The following OR4D1 variants were observed in gnomAD, a reference collection of about 807,000 sequenced individuals.
OR4D1 encodes olfactory receptor 4D1.
OR4D1 carries 10 observed loss-of-function variants against 14.2 expected under a neutral mutation model. That is an observed-to-expected ratio of 0.71 (90% CI 0.44 to 1.20). OR4D1 has a LOEUF of 1.20. Among genes scored for constraint, OR4D1 ranks in the 50% most tolerant of loss-of-function variants. The pLI is 0.00. For missense variants in OR4D1, 345 were observed against 376.6 expected (o/e 0.92, Z 0.70); for synonymous variants, 141 against 147.4 (o/e 0.96, Z 0.32).
Position 58,156,274 on chromosome 17 carries a change from G to A in OR4D1, c.*188G>A. The A allele has an allele frequency of 5.5e-6, 3 of 546,694 alleles. No homozygotes were observed. Among genetic ancestry groups the A allele is most frequent in the Non-Finnish European group, 9.6e-6 (3 of 314,112 alleles). The allele number at this position is 546,694 out of a possible 1,614,324, so 33.9% of individuals were successfully genotyped here. On this transcript the variant is annotated 3_prime_UTR_variant, in exon 4 of 4. Coordinates refer to ENST00000268912, the MANE Select transcript of OR4D1 (RefSeq NM_001386095.1). ...TTTTTCTTTTTTTTTTTTTTTAGAT[G>A]GAGCCTTGCTCTGTCACCCAGGCTG...
At chr17:58,155,079 A>T in intron 3 of OR4D1, 56 bp from the exon 4 acceptor site, 1 of 1,200,786 alleles carries the variant, frequency 8.3e-7, no homozygotes, top group Non-Finnish European at 1.2e-6. Context: ...TCCAAGGAAA[A>T]TGATTGAATT....
chr17:58,149,180 A>G (rs1045159017), intron 1 of OR4D1, among the ~76,000 whole-genome samples: 2 of 152,082 alleles, frequency 1.3e-5, no homozygotes, highest in Non-Finnish European at 2.9e-5. Context: ...CTTTCCCCAT[A>G]CAGATCCATG....
At position 58,157,648 on chromosome 17, in the gene OR4D1, A is replaced by G. The variant is rs1017008831; in HGVS notation, c.*1562A>G. ...TGAAAATGGCTGCAAAACCTATGCT[A>G]CCCTCCAGCTTCAGTCTCCCTTTCC... On this transcript the variant is annotated 3_prime_UTR_variant, in exon 4 of 4. Coordinates refer to ENST00000268912, the MANE Select transcript of OR4D1 (RefSeq NM_001386095.1). The G allele has an allele frequency of 5.6e-6, 9 of 1,613,692 alleles. No homozygotes were observed. The highest frequency in any genetic ancestry group is 2.2e-5 in the East Asian group (1 of 44,870).
In OR4D1 at chr17:58,156,853, T is replaced by C; in HGVS notation, c.*767T>C. On this transcript the variant is annotated 3_prime_UTR_variant, in exon 4 of 4. Transcript: ENST00000268912. ...ATGGTCAACTGCTTCATCTTAACTCTGGGACAGTTACATTCTTTTCTGCTC... is the reference window on the plus strand; with the variant it reads ...ATGGTCAACTGCTTCATCTTAACTCCGGGACAGTTACATTCTTTTCTGCTC... 1 of 431,926 alleles carries C rather than the reference T, an allele frequency of 2.3e-6. No homozygotes were observed. The allele number at this position is 431,926 out of a possible 1,614,324, so 26.8% of individuals were successfully genotyped here.
Position 58,159,401 on chromosome 17 carries a change from C to T in OR4D1, c.*3315C>T, listed in dbSNP as rs1393318616. The T allele has an allele frequency of 6.6e-6, 1 of 152,238 alleles. No individual in the cohort carries two copies. Among genetic ancestry groups the T allele is most frequent in the Non-Finnish European group, 1.5e-5 (1 of 68,050 alleles). The allele number at this position is 152,238 out of a possible 1,614,324, so 9.4% of individuals were successfully genotyped here. A position where few individuals can be genotyped will look rare whatever the true frequency, so the allele number is the denominator to read the frequency against. Reference sequence around the variant, plus strand: ...AAGAGACTTCATGCAGCATTAGGCTCGCTAGCCCTTTGGTCTTCTGCCATA... The same window carrying T: ...AAGAGACTTCATGCAGCATTAGGCTTGCTAGCCCTTTGGTCTTCTGCCATA... On this transcript the variant is annotated 3_prime_UTR_variant, in exon 4 of 4. Transcript: ENST00000268912.
rs1014544048 is a variant in OR4D1 at position 58,157,527 on chromosome 17, C to G, written c.*1441C>G. ...TCCATTGCAGAGGGTGCGGACTTCT[C>G]CAGCTCTCCGAACCTCACGGAGACT... On this transcript the variant is annotated 3_prime_UTR_variant, in exon 4 of 4. Coordinates refer to ENST00000268912, the MANE Select transcript of OR4D1 (RefSeq NM_001386095.1). 1.4e-6 allele frequency: 2 copies of G among 1,385,562 alleles called. No homozygotes were observed. Among genetic ancestry groups the G allele is most frequent in the African/African-American group, 2.8e-5 (2 of 70,736 alleles). The allele number at this position is 1,385,562 out of a possible 1,614,324, so 85.8% of individuals were successfully genotyped here. A position where few individuals can be genotyped will look rare whatever the true frequency, so the allele number is the denominator to read the frequency against.
chr17:58,155,014 G>A (rs560032695), intron 3 of OR4D1, 121 bp from the exon 4 acceptor site: 2 of 693,674 alleles, frequency 2.9e-6, no homozygotes, highest in South Asian at 1.9e-5. Context: ...GCTTTCCTAA[G>A]CTACATCTCG....
Position 58,157,420 on chromosome 17 carries a change from G to A in OR4D1, c.*1334G>A, listed in dbSNP as rs150737599. The A allele has an allele frequency of 4.1e-4, 482 of 1,161,508 alleles. 2 individuals are homozygous for A. In the East Asian group the frequency reaches 0.011, roughly 27 times the overall value. The allele number at this position is 1,161,508 out of a possible 1,614,324, so 72.0% of individuals were successfully genotyped here. A position where few individuals can be genotyped will look rare whatever the true frequency, so the allele number is the denominator to read the frequency against. On this transcript the variant is annotated 3_prime_UTR_variant, in exon 4 of 4. Transcript: ENST00000268912. ...CCACCTGCACCCTGAGAAAACACAA[G>A]ACCAATCCGAAGCCGCGCACAGCCT...
Position 58,156,747 on chromosome 17 carries a change from G to C in OR4D1, c.*661G>C, listed in dbSNP as rs1967780174. 5.6e-6 allele frequency: 1 copy of C among 178,154 alleles called. No homozygotes were observed. The highest frequency in any genetic ancestry group is 5.7e-5 in the Admixed American group (1 of 17,398). 11.0% of individuals were successfully genotyped at this position (178,154 alleles called of 1,614,324 possible). On this transcript the variant is annotated 3_prime_UTR_variant, in exon 4 of 4. Coordinates refer to ENST00000268912, the MANE Select transcript of OR4D1 (RefSeq NM_001386095.1). ...AGTTTAGAGGCAAGAAATAGGAATG[G>C]GATTTGAAACTCAAGAGTTTCCTGC...
chr17:58,157,716 C>G lies in OR4D1; in HGVS notation c.*1630C>G. On this transcript the variant is annotated 3_prime_UTR_variant, in exon 4 of 4. Transcript: ENST00000268912. ...CAGGCAGCGTCCATATACGCAGCAT[C>G]CTACCCGTTCCATAGACCTGTGCTT... The G allele has an allele frequency of 6.2e-7, 1 of 1,613,834 alleles. No individual in the cohort carries two copies. The highest frequency in any genetic ancestry group is 8.5e-7 in the Non-Finnish European group (1 of 1,179,784).
chr17:58,157,639 A>T lies in OR4D1; in HGVS notation c.*1553A>T. 3.1e-6 allele frequency: 5 copies of T among 1,613,518 alleles called. No homozygotes were observed. In the South Asian group the frequency reaches 5.5e-5, roughly 18 times the overall value. On this transcript the variant is annotated 3_prime_UTR_variant, in exon 4 of 4. Coordinates refer to ENST00000268912, the MANE Select transcript of OR4D1 (RefSeq NM_001386095.1). ...TGGAAAAGCTGAAAATGGCTGCAAA[A>T]CCTATGCTACCCTCCAGCTTCAGTC...
chr17:58,157,202 A>C lies in OR4D1; in HGVS notation c.*1116A>C. 6.8e-7 allele frequency: 1 copy of C among 1,461,926 alleles called. No individual in the cohort carries two copies. The highest frequency in any genetic ancestry group is 9.0e-7 in the Non-Finnish European group (1 of 1,108,626). 90.6% of individuals were successfully genotyped at this position (1,461,926 alleles called of 1,614,324 possible). A position where few individuals can be genotyped will look rare whatever the true frequency, so the allele number is the denominator to read the frequency against. Reference sequence around the variant, plus strand: ...AGGAGGCATCCCCAGTGCCGGCCAAAAGCGCCTCTTCCGGGGCCACCCTGC... The same window carrying C: ...AGGAGGCATCCCCAGTGCCGGCCAACAGCGCCTCTTCCGGGGCCACCCTGC... On this transcript the variant is annotated 3_prime_UTR_variant, in exon 4 of 4. Transcript: ENST00000268912.
chr17:58,157,435 G>T lies in OR4D1; in HGVS notation c.*1349G>T. 1 of 1,119,634 alleles carries T rather than the reference G, an allele frequency of 8.9e-7. No individual in the cohort carries two copies. The highest frequency in any genetic ancestry group is 1.3e-6 in the Non-Finnish European group (1 of 743,144). The allele number at this position is 1,119,634 out of a possible 1,614,324, so 69.4% of individuals were successfully genotyped here. On this transcript the variant is annotated 3_prime_UTR_variant, in exon 4 of 4. Coordinates refer to ENST00000268912, the MANE Select transcript of OR4D1 (RefSeq NM_001386095.1). ...GAAAACACAAGACCAATCCGAAGCCGCGCACAGCCTTTACCACGTCCCAGC... is the reference window on the plus strand; with the variant it reads ...GAAAACACAAGACCAATCCGAAGCCTCGCACAGCCTTTACCACGTCCCAGC...
At chr17:58,151,721 T>G (rs1401076348) in intron 2 of OR4D1, among the ~76,000 whole-genome samples, 1 of 152,264 alleles carries the variant, frequency 6.6e-6, no homozygotes, top group Non-Finnish European at 1.5e-5. Flanking sequence ...GATATATTTA[T>G]TCTTAACTAG....
Position 58,155,909 on chromosome 17 carries a change from T to G in OR4D1, c.756T>G (p.Ile252Met), listed in dbSNP as rs763115848. 13 of 1,614,124 alleles carry G rather than the reference T, an allele frequency of 8.1e-6. No individual in the cohort carries two copies. In the South Asian group the frequency reaches 1.3e-4, roughly 16 times the overall value. Reference protein sequence around the residue: ...THIIVVSMIFIPCIYIYTWPF... With the variant: ...THIIVVSMIFMPCIYIYTWPF... The stretch of plus-strand genomic sequence containing the variant: ...TCATCGTGGTGTCCATGATCTTCAT[T>G]CCCTGTATCTATATCTATACCTGGC... Residue 252 changes from isoleucine to methionine, a missense_variant, in exon 4 of 4, where the codon ATT becomes ATG. Transcript: ENST00000268912.
chr17:58,155,587 T>C lies in OR4D1; in HGVS notation c.434T>C (p.Val145Ala). Residue 145 changes from valine (V) to alanine (A), a missense_variant, in exon 4 of 4, where the codon GTA becomes GCA. Coordinates refer to ENST00000268912, the MANE Select transcript of OR4D1 (RefSeq NM_001386095.1). ...IMNTQLCVGL[V>A]VAAWVGGFVH... is the part of the protein sequence containing the mutation. ...AACACTCAATTGTGTGTGGGCCTGGTAGTAGCCGCCTGGGTGGGGGGCTTT... is the reference window on the plus strand; with the variant it reads ...AACACTCAATTGTGTGTGGGCCTGGCAGTAGCCGCCTGGGTGGGGGGCTTT... 6.2e-7 allele frequency: 1 copy of C among 1,614,184 alleles called. No individual in the cohort carries two copies.
In OR4D1 at chr17:58,157,578, G is replaced by T. The variant is rs1967792860; in HGVS notation, c.*1492G>T. On this transcript the variant is annotated 3_prime_UTR_variant, in exon 4 of 4. Transcript: ENST00000268912. ...CAGGTCAAAATCTTGTTCCAGAACC[G>T]AAGGGCCAAGACGAAAAGACTGCAG... 2.5e-6 allele frequency: 4 copies of T among 1,601,846 alleles called. No homozygotes were observed. Among genetic ancestry groups the T allele is most frequent in the African/African-American group, 1.3e-5 (1 of 74,826 alleles).
At position 58,155,275 on chromosome 17, in the gene OR4D1, G is replaced by A. The variant is rs1272734487; in HGVS notation, c.122G>A (p.Gly41Glu). ...FLLVYVTTIVGNLLIMVTVTF... is the reference protein window; with the variant it reads ...FLLVYVTTIVENLLIMVTVTF... ...TTAGTCTATGTTACCACCATTGTGG[G>A]AAACCTCCTTATCATGGTCACAGTG... Residue 41 changes from glycine (G) to glutamate (E), a missense_variant, in exon 4 of 4, where the codon GGA (glycine) becomes GAA (glutamate). Transcript: ENST00000268912. 1 of 1,613,948 alleles carries A rather than the reference G, an allele frequency of 6.2e-7. No individual in the cohort carries two copies. Among genetic ancestry groups the A allele is most frequent in the Non-Finnish European group, 8.5e-7 (1 of 1,180,020 alleles).
chr17:58,156,833 C>T lies in OR4D1; in HGVS notation c.*747C>T, dbSNP rs1176426443. Reference sequence around the variant, plus strand: ...TAGAGAAGTATCTCTGATGAATGGTCAACTGCTTCATCTTAACTCTGGGAC... The same window carrying T: ...TAGAGAAGTATCTCTGATGAATGGTTAACTGCTTCATCTTAACTCTGGGAC... On this transcript the variant is annotated 3_prime_UTR_variant, in exon 4 of 4. Transcript: ENST00000268912. 1 of 339,182 alleles carries T rather than the reference C, an allele frequency of 2.9e-6. No homozygotes were observed. Among genetic ancestry groups the T allele is most frequent in the Non-Finnish European group, 5.5e-6 (1 of 180,520 alleles). The allele number at this position is 339,182 out of a possible 1,614,324, so 21.0% of individuals were successfully genotyped here.
Sources: gnomAD v4.1 joint callset for allele counts (sites outside exome capture counted in the v4.1 genomes callset) on GRCh38, gnomAD v4.1.1 for gene constraint, MANE v1.5 for transcripts, NCBI Gene and HGNC (gene_info 2026-07-23, HGNC 2026-07-21) for gene names.